The following RBBP4 variants were observed in gnomAD, a reference collection of about 807,000 sequenced individuals.
The protein encoded by RBBP4 is RB binding protein 4, chromatin remodeling factor, also known as histone-binding protein RBBP4.
A neutral mutation model predicts 57.2 loss-of-function variants in RBBP4; 3 were observed. The ratio of observed to expected loss-of-function variants is 0.05; its 90% CI spans 0.02 to 0.14. The LOEUF is 0.14. Ranked by LOEUF, RBBP4 falls within the 10% of genes least tolerant of loss-of-function variation. RBBP4 has a pLI of 1.00. For missense variants in RBBP4, 107 were observed against 520.6 expected, an observed-to-expected ratio of 0.21 and a Z score of 7.73; for synonymous variants, 151 against 171.5, an observed-to-expected ratio of 0.88 and a Z score of 0.93.
intron 11 of RBBP4, among the ~76,000 whole-genome samples, chr1:32,677,823 A>C (rs914521780): frequency 4.6e-5 from 7 of 152,188 alleles, no homozygotes; most frequent in African/African-American, 1.7e-4. Context: ...TCAGATCACA[A>C]GCTCTTTGAA....
intron 11 of RBBP4, among the ~76,000 whole-genome samples, chr1:32,677,104 C>T (rs1054542407): frequency 3.3e-5 from 5 of 152,116 alleles, no homozygotes; most frequent in African/African-American, 2.4e-5. Flanking sequence ...CAAAAACACT[C>T]GGAGTTTGCA....
rs753401115 is a variant in RBBP4 at position 32,684,039 on chromosome 1, T to C, written c.*4334T>C. ...AGACTGTGTCTCCATTCCACCTGCC[T>C]GAGAAGTGGGAGCATCAGCCTGTTC... On this transcript the variant is annotated 3_prime_UTR_variant, in exon 12 of 12. Transcript: ENST00000373493. 2 of 1,614,218 alleles carry C rather than the reference T, an allele frequency of 1.2e-6. No individual in the cohort carries two copies. Among genetic ancestry groups the C allele is most frequent in the East Asian group, 4.5e-5 (2 of 44,896 alleles).
rs949552440 is a variant in RBBP4, at chr1:32,651,286, C to T, written c.-21C>T. On this transcript the variant is annotated 5_prime_UTR_variant, in exon 1 of 12. Coordinates refer to ENST00000373493, the MANE Select transcript of RBBP4 (RefSeq NM_005610.3). ...TCCCGCAACGCTCGACCCCAGGATT[C>T]CCCCGGCTCGCCTGCCCGCCATGGC... 8.7e-6 allele frequency: 13 copies of T among 1,488,420 alleles called. No homozygotes were observed. The highest frequency in any genetic ancestry group is 2.1e-4 in the Middle Eastern group (1 of 4,692). 92.2% of individuals were successfully genotyped at this position (1,488,420 alleles called of 1,614,324 possible). A position where few individuals can be genotyped will look rare whatever the true frequency, so the allele number is the denominator to read the frequency against.
intron 2 of RBBP4, among the ~76,000 whole-genome samples, chr1:32,653,333 A>AT (rs1441142983): frequency 6.6e-6 from 1 of 152,144 alleles, no homozygotes; most frequent in Non-Finnish European, 1.5e-5. Flanking sequence ...GGAATAATGG[A>AT]TTTTCTGGTA....
intron 2 of RBBP4, among the ~76,000 whole-genome samples, chr1:32,654,813 C>G (rs1217378201): frequency 6.6e-6 from 1 of 152,164 alleles, no homozygotes; most frequent in East Asian, 1.9e-4. Context: ...CCTGCCCCAG[C>G]CTCCCAAGTA....
In RBBP4 at chr1:32,681,277, G is replaced by A. The variant is rs1389221691; in HGVS notation, c.*1572G>A. On this transcript the variant is annotated 3_prime_UTR_variant, in exon 12 of 12. Transcript: ENST00000373493. The stretch of plus-strand genomic sequence containing the variant: ...TCTTTTCAAGTCTAGTTGTTTTAGA[G>A]TATAGTGAGAAATACCTTGACACAA... The A allele has an allele frequency of 6.5e-6, 1 of 152,778 alleles. No homozygotes were observed. The highest frequency in any genetic ancestry group is 1.5e-5 in the Non-Finnish European group (1 of 68,486). 9.5% of individuals were successfully genotyped at this position (152,778 alleles called of 1,614,324 possible).
intron 11 of RBBP4, among the ~76,000 whole-genome samples, chr1:32,673,948 A>G (rs1648987769): frequency 6.6e-6 from 1 of 152,026 alleles, no homozygotes; most frequent in Non-Finnish European, 1.5e-5. Flanking sequence ...AATACAAAAA[A>G]AAATTAGCCG....
rs1308393503 is a variant in RBBP4, at chr1:32,682,923, T to TG, written c.*3223dup. 6.6e-6 allele frequency: 1 copy of TG among 152,228 alleles called. No individual in the cohort carries two copies. The highest frequency in any genetic ancestry group is 1.5e-5 in the Non-Finnish European group (1 of 68,018). The allele number at this position is 152,228 out of a possible 1,614,324, so 9.4% of individuals were successfully genotyped here. On this transcript the variant is annotated 3_prime_UTR_variant, in exon 12 of 12. Transcript: ENST00000373493. Reference sequence around the variant, plus strand: ...TTATCAGAATATACTGGTAAAACATTGGGGGAGGGATCCTGAGTAGGTGAT... The same window carrying TG: ...TTATCAGAATATACTGGTAAAACATTGGGGGGAGGGATCCTGAGTAGGTGAT...
rs1649629371 is a variant in RBBP4 at position 32,683,990 on chromosome 1, C to T, written c.*4285C>T. 6.3e-7 allele frequency: 1 copy of T among 1,596,444 alleles called. No homozygotes were observed. Among genetic ancestry groups the T allele is most frequent in the African/African-American group, 1.3e-5 (1 of 74,668 alleles). ...AAGCAGTAACAATGCAAACACCACT[C>T]TTCTCTTCACAAAGATCACCTTGAG... On this transcript the variant is annotated 3_prime_UTR_variant, in exon 12 of 12. Transcript: ENST00000373493.
At chr1:32,655,498 A>G (rs1327219069) in intron 2 of RBBP4, among the ~76,000 whole-genome samples, 3 of 151,984 alleles carry the variant, frequency 2.0e-5, no homozygotes, top group Non-Finnish European at 4.4e-5. Context: ...TTTTCTGTTC[A>G]TATCTCTCTT....
At chr1:32,658,026 T>C (rs987784745) in intron 3 of RBBP4, among the ~76,000 whole-genome samples, 3 of 152,096 alleles carry the variant, frequency 2.0e-5, no homozygotes, top group African/African-American at 7.2e-5. Context: ...TTAATTTTTG[T>C]ATTTTTAGTG....
rs1649422925 is a variant in RBBP4 at position 32,681,324 on chromosome 1, G to T, written c.*1619G>T. ...ACAATTTTAAGAGTAAACTATATGG[G>T]TCAGCATATCCTTGAACAAAAAGTA... On this transcript the variant is annotated 3_prime_UTR_variant, in exon 12 of 12. Coordinates refer to ENST00000373493, the MANE Select transcript of RBBP4 (RefSeq NM_005610.3). The T allele has an allele frequency of 6.5e-6, 1 of 154,686 alleles. No individual in the cohort carries two copies. 9.6% of individuals were successfully genotyped at this position (154,686 alleles called of 1,614,324 possible).
At position 32,668,334 on chromosome 1, in the gene RBBP4, C is replaced by A. The variant is rs746399494; in HGVS notation, c.420C>A (p.Ile140=). Residue 140 remains isoleucine (I), a synonymous_variant, in exon 4 of 12, where the codon ATC becomes ATA. Transcript: ENST00000373493. ...ARYMPQNPCI[I]ATKTPSSDVL... ...ATATGCCCCAGAACCCTTGTATCAT[C>A]GCAACAAAGACTCCTTCCAGTGATG... is the stretch of plus-strand genomic sequence containing the variant. 6.2e-7 allele frequency: 1 copy of A among 1,609,746 alleles called. No individual in the cohort carries two copies. Among genetic ancestry groups the A allele is most frequent in the Non-Finnish European group, 8.5e-7 (1 of 1,176,108 alleles).
chr1:32,683,882 C>G lies in RBBP4; in HGVS notation c.*4177C>G. The G allele has an allele frequency of 1.2e-6, 1 of 867,026 alleles. No individual in the cohort carries two copies. Among genetic ancestry groups the G allele is most frequent in the Non-Finnish European group, 1.8e-6 (1 of 551,926 alleles). The allele number at this position is 867,026 out of a possible 1,614,324, so 53.7% of individuals were successfully genotyped here. A position where few individuals can be genotyped will look rare whatever the true frequency, so the allele number is the denominator to read the frequency against. ...TCCTGACTCCAGGTGATCCACCCTCCTCAGCCTCCCAAAGTGCTAGGATTA... is the reference window on the plus strand; with the variant it reads ...TCCTGACTCCAGGTGATCCACCCTCGTCAGCCTCCCAAAGTGCTAGGATTA... On this transcript the variant is annotated 3_prime_UTR_variant, in exon 12 of 12. Transcript: ENST00000373493.
chr1:32,655,034 G>C (rs1023217727), intron 2 of RBBP4, among the ~76,000 whole-genome samples: 2 of 152,014 alleles, frequency 1.3e-5, no homozygotes, highest in Admixed American at 1.3e-4. Context: ...TTGTTGCCCA[G>C]ACTGTGTTGC....
intron 2 of RBBP4, among the ~76,000 whole-genome samples, chr1:32,655,388 TA>T (rs1648093952): frequency 6.7e-6 from 1 of 149,164 alleles, no homozygotes; most frequent in Non-Finnish European, 1.5e-5. Context: ...TTCCCCCCTT[TA>T]AAAAGAAAGA....
intron 3 of RBBP4, among the ~76,000 whole-genome samples, chr1:32,664,126 T>A (rs1055652944): frequency 5.9e-5 from 9 of 151,962 alleles, no homozygotes; most frequent in African/African-American, 2.2e-4. Context: ...GACGGGGTTT[T>A]ACCGTGTTAG....
chr1:32,684,258 T>G lies in RBBP4; in HGVS notation c.*4553T>G. The G allele has an allele frequency of 1.2e-6, 2 of 1,614,214 alleles. No homozygotes were observed. Among genetic ancestry groups the G allele is most frequent in the South Asian group, 2.2e-5 (2 of 91,088 alleles). ...GATTTGTATAGCAGCAGAAACTGACTTATAAGTAGAGAGCTCTTCAGCAAG... is the reference window on the plus strand; with the variant it reads ...GATTTGTATAGCAGCAGAAACTGACGTATAAGTAGAGAGCTCTTCAGCAAG... On this transcript the variant is annotated 3_prime_UTR_variant, in exon 12 of 12. Transcript: ENST00000373493.
rs1024214253 is a variant in RBBP4, at chr1:32,683,357, C to A, written c.*3652C>A. 6.6e-6 allele frequency: 1 copy of A among 150,898 alleles called. No individual in the cohort carries two copies. The highest frequency in any genetic ancestry group is 1.9e-4 in the East Asian group (1 of 5,152). 9.3% of individuals were successfully genotyped at this position (150,898 alleles called of 1,614,324 possible). The stretch of plus-strand genomic sequence containing the variant: ...CAGCCTTTGAATATTATATAAGGAA[C>A]TTAATGGATAGATATGTTTATTATT... On this transcript the variant is annotated 3_prime_UTR_variant, in exon 12 of 12. Transcript: ENST00000373493.
Sources: allele counts gnomAD v4.1 joint callset (sites outside exome capture counted in the v4.1 genomes callset), GRCh38; gene constraint gnomAD v4.1.1; transcripts MANE v1.5; gene names NCBI Gene and HGNC (gene_info 2026-07-23, HGNC 2026-07-21).